The following CCDC171 variants were observed in gnomAD, a reference collection of about 807,000 sequenced individuals.
CCDC171 encodes coiled-coil domain containing 171, also known as coiled-coil domain-containing protein 171.
Under a neutral mutation model 168.2 loss-of-function variants are expected in CCDC171, and 177 were observed. That is an observed-to-expected ratio of 1.05 (90% confidence interval 0.93 to 1.19). The LOEUF (loss-of-function observed/expected upper bound fraction) is 1.19. Among genes scored for constraint, CCDC171 ranks in the 50% most tolerant of loss-of-function variants. The pLI, the probability that CCDC171 is intolerant of heterozygous loss-of-function variation, is 0.00. For missense variants in CCDC171, 1,991 were observed against 1,539.0 expected (o/e 1.29, Z -4.91); for synonymous variants, 687 against 540.8 (o/e 1.27, Z -3.75).
intron 21 of CCDC171, among the ~76,000 whole-genome samples, chr9:15,798,125 G>C (rs1163143074): frequency 6.6e-6 from 1 of 151,972 alleles, no homozygotes; most frequent in Non-Finnish European, 1.5e-5. Flanking sequence ...AACTGTATTT[G>C]CTATTTGGGT....
chr9:15,572,706 G>C (rs1215864433), intron 3 of CCDC171, among the ~76,000 whole-genome samples: 1 of 152,110 alleles, frequency 6.6e-6, no homozygotes, highest in Non-Finnish European at 1.5e-5. Flanking sequence ...ACATGTTGCT[G>C]TTATAGATAT....
chr9:15,648,097 G>A (rs1172310907), intron 7 of CCDC171, among the ~76,000 whole-genome samples: 3 of 152,038 alleles, frequency 2.0e-5, no homozygotes, highest in Non-Finnish European at 2.9e-5. Context: ...TTCAACATAC[G>A]CAAATCAATA....
intron 23 of CCDC171, among the ~76,000 whole-genome samples, chr9:15,853,119 A>G (rs979519878): frequency 1.3e-5 from 2 of 151,640 alleles, no homozygotes; most frequent in African/African-American, 4.8e-5. Context: ...AAAGAAGGCA[A>G]TGGAATTTTG....
intron 21 of CCDC171, among the ~76,000 whole-genome samples, chr9:15,792,635 C>A (rs1441749362): frequency 1.3e-5 from 2 of 152,162 alleles, no homozygotes; most frequent in African/African-American, 4.8e-5. Context: ...TCGGCAGAAA[C>A]TCTACAAGCC....
intron 21 of CCDC171, among the ~76,000 whole-genome samples, chr9:15,795,537 A>T (rs1250460383): frequency 6.6e-6 from 1 of 152,220 alleles, no homozygotes; most frequent in Non-Finnish European, 1.5e-5. Context: ...CCAAATGATG[A>T]GGACTCAACA....
intron 3 of CCDC171, among the ~76,000 whole-genome samples, chr9:15,573,238 T>C (rs115935221): frequency 6.6e-6 from 1 of 152,174 alleles, no homozygotes; most frequent in Admixed American, 6.5e-5. Context: ...ATAATTCTCT[T>C]TGTATTTTTT....
intron 23 of CCDC171, among the ~76,000 whole-genome samples, chr9:15,867,073 G>T (rs1420588253): frequency 1.3e-5 from 2 of 151,982 alleles, no homozygotes; most frequent in African/African-American, 2.4e-5. Flanking sequence ...AAATTCAGTT[G>T]TCAGAATATC....
intron 6 of CCDC171, among the ~76,000 whole-genome samples, chr9:15,596,133 G>T (rs200834635): frequency 6.6e-6 from 1 of 151,978 alleles, no homozygotes; most frequent in African/African-American, 2.4e-5. Context: ...TGCTGTGTAG[G>T]AGCTCTTTAG....
chr9:15,980,730 G>T, intron 3 of CCDC171, among the ~76,000 whole-genome samples: 1 of 149,758 alleles, frequency 6.7e-6, no homozygotes, highest in South Asian at 2.1e-4. Flanking sequence ...ATTCTTGGGT[G>T]TTGCTCATTT....
intron 8 of CCDC171, among the ~76,000 whole-genome samples, chr9:15,663,043 T>C (rs1468340033): frequency 6.6e-6 from 1 of 152,152 alleles, no homozygotes; most frequent in Non-Finnish European, 1.5e-5. Context: ...ATTAGATCCT[T>C]GTAGCCACCC....
At chr9:15,664,071 A>G (rs760104375) in intron 8 of CCDC171, among the ~76,000 whole-genome samples, 2 of 152,126 alleles carry the variant, frequency 1.3e-5, no homozygotes, top group Non-Finnish European at 2.9e-5. Context: ...GTACATATGG[A>G]CATAGAGTGT....
At chr9:15,623,442 T>A in intron 7 of CCDC171, 29 bp downstream of exon 7, 1 of 1,449,606 alleles carries the variant, frequency 6.9e-7, no homozygotes, top group Non-Finnish European at 9.3e-7. Context: ...TTATAATATA[T>A]ATGCGTACAA....
intron 1 of CCDC171, among the ~76,000 whole-genome samples, chr9:16,056,235 T>G (rs981725683): frequency 6.6e-6 from 1 of 152,208 alleles, no homozygotes; most frequent in Non-Finnish European, 1.5e-5. Flanking sequence ...TTGTAATGAG[T>G]ATATTCTGTA....
intron 1 of CCDC171, among the ~76,000 whole-genome samples, chr9:16,045,641 C>T (rs1448512181): frequency 1.3e-5 from 2 of 152,112 alleles, no homozygotes; most frequent in African/African-American, 4.8e-5. Flanking sequence ...CATGGTGAGC[C>T]CTGGAGTGTC....
At chr9:15,940,004 T>A (rs1827539633) in intron 25 of CCDC171, among the ~76,000 whole-genome samples, 1 of 151,892 alleles carries the variant, frequency 6.6e-6, no homozygotes, top group South Asian at 2.1e-4. Flanking sequence ...TAAGACTTGT[T>A]TTTGTTTCTT....
At chr9:16,040,250 C>T (rs1377841909), upstream of CCDC171, among the ~76,000 whole-genome samples, 1 of 152,204 alleles carries the variant, frequency 6.6e-6, no homozygotes, top group East Asian at 1.9e-4. Flanking sequence ...GCCTCTGTTC[C>T]TGGAGCCCCT....
At chr9:15,644,700 C>G (rs938706273) in intron 7 of CCDC171, among the ~76,000 whole-genome samples, 6 of 152,168 alleles carry the variant, frequency 3.9e-5, no homozygotes, top group African/African-American at 1.2e-4. Flanking sequence ...GGGGGAGGAG[C>G]GCCCACCATT....
chr9:15,721,265 A>G (rs1322841848), intron 11 of CCDC171, among the ~76,000 whole-genome samples: 1 of 151,992 alleles, frequency 6.6e-6, no homozygotes, highest in Non-Finnish European at 1.5e-5. Context: ...AAAATTATAT[A>G]CTCTTGGGTT....
At chr9:16,107,803 G>C in the CCDC171 span, among the ~76,000 whole-genome samples, 1 of 152,078 alleles carries the variant, frequency 6.6e-6, no homozygotes, top group Non-Finnish European at 1.5e-5. Flanking sequence ...TCAAGGTCAG[G>C]AGCCTATGTC....
Sources: allele counts gnomAD v4.1 joint callset (sites outside exome capture counted in the v4.1 genomes callset), GRCh38; gene constraint gnomAD v4.1.1; transcripts MANE v1.5; gene names NCBI Gene and HGNC (gene_info 2026-07-23, HGNC 2026-07-21).